The following RXYLT1 variants were observed in gnomAD, a reference collection of about 807,000 sequenced individuals.
RXYLT1 encodes ribitol-5-phosphate xylosyltransferase 1.
Under a neutral mutation model 43.5 loss-of-function variants are expected in RXYLT1, and 41 were observed. That is an observed-to-expected ratio of 0.94 (90% CI 0.73 to 1.22). The LOEUF is 1.22. RXYLT1 is among the 50% of genes most tolerant of loss of function. The probability of loss-of-function intolerance (pLI) is 0.00; values close to 1 mark genes in which losing one functional copy is unlikely to be tolerated. For missense variants in RXYLT1, 514 were observed against 532.0 expected, an observed-to-expected ratio of 0.97 and a Z score of 0.33; for synonymous variants, 166 against 194.4, an observed-to-expected ratio of 0.85 and a Z score of 1.21.
At chr12:63,785,098 A>G (rs961295439) in intron 3 of RXYLT1, 26 bp downstream of exon 3, 2 of 1,535,122 alleles carry the variant, frequency 1.3e-6, no homozygotes, top group Non-Finnish European at 1.8e-6. Flanking sequence ...GTTGTGCAAC[A>G]TTAACCTTTG....
Position 63,802,355 on chromosome 12 carries a change from C to A in RXYLT1, c.693C>A (p.Ser231Arg). 2 of 1,601,432 alleles carry A rather than the reference C, an allele frequency of 1.2e-6. No individual in the cohort carries two copies. The highest frequency in any genetic ancestry group is 1.7e-6 in the Non-Finnish European group (2 of 1,171,566). ...AGCTGCTTTTCATAATATATGACAG[C>A]CCCTGGATTAATGACGTGGATGTTT... The part of the protein sequence containing the change: ...FVELLFIIYD[S>R]PWINDVDVFQ... Residue 231 changes from serine to arginine, a missense_variant, in exon 4 of 6, where the codon AGC (serine) becomes AGA (arginine). Transcript: ENST00000261234.
chr12:63,802,410 G>A lies in RXYLT1; in HGVS notation c.743+5G>A. On this transcript the variant is annotated splice_donor_5th_base_variant and intron_variant, in intron 4 of 5. Coordinates refer to ENST00000261234, the MANE Select transcript of RXYLT1 (RefSeq NM_014254.3). ...GTGGCCTTTAGGAGTAGCAACGTAA[G>A]TACAAAATATGATTAAACATTTTTA... 1 of 1,549,008 alleles carries A rather than the reference G, an allele frequency of 6.5e-7. No individual in the cohort carries two copies. The highest frequency in any genetic ancestry group is 8.7e-7 in the Non-Finnish European group (1 of 1,148,128).
chr12:63,805,118 T>C, intron 4 of RXYLT1, 116 bp from the exon 5 acceptor site: 1 of 692,430 alleles, frequency 1.4e-6, no homozygotes, highest in Non-Finnish European at 2.1e-6. Flanking sequence ...ATTTGAGATT[T>C]AGAAATCACA....
intron 4 of RXYLT1, among the ~76,000 whole-genome samples, chr12:63,803,418 G>C (rs1898211448): frequency 6.6e-6 from 1 of 152,052 alleles, no homozygotes; most frequent in South Asian, 2.1e-4. Context: ...TTCTGTATTT[G>C]TTGAGTGGAT....
intron 3 of RXYLT1, among the ~76,000 whole-genome samples, chr12:63,786,414 A>C (rs1353611073): frequency 6.6e-6 from 1 of 152,218 alleles, no homozygotes; most frequent in Non-Finnish European, 1.5e-5. Context: ...AAATACTGCA[A>C]TAAAGCAAGT....
At chr12:63,782,319 T>C (rs1897704006) in intron 2 of RXYLT1, among the ~76,000 whole-genome samples, 2 of 152,222 alleles carry the variant, frequency 1.3e-5, no homozygotes, top group Non-Finnish European at 1.5e-5. Context: ...TTCATCTAAA[T>C]GGCCAGCTCC....
In RXYLT1 at chr12:63,794,216, T is replaced by A. The variant is rs1897979680; in HGVS notation, c.429-7875T>A. 3.3e-5 allele frequency among the ~76,000 whole-genome samples: 5 copies of A among 152,298 alleles called. No individual in the cohort carries two copies. The South Asian group carries it at 8.3e-4, about 25-fold the overall frequency. The stretch of plus-strand genomic sequence containing the variant: ...TCACAGTTGGAGGTCTAGCCCTTAC[T>A]CCCATTTCCTCTCTCTATTGATGTG... On this transcript the variant is annotated intron_variant, in intron 3 of 5. Coordinates refer to ENST00000261234, the MANE Select transcript of RXYLT1 (RefSeq NM_014254.3).
chr12:63,781,152 A>C lies in RXYLT1; in HGVS notation c.303A>C (p.Gln101His). Residue 101 changes from glutamine (Q) to histidine (H), a missense_variant, in exon 2 of 6, where the codon CAA becomes CAC. Physicochemically the swap from Gln to His is conservative, Grantham distance 24. Coordinates refer to ENST00000261234, the MANE Select transcript of RXYLT1 (RefSeq NM_014254.3). ...STKGKTDLSV[Q>H]IWGKAAIGLY... ...AAGGAAAAACAGATCTCAGTGTACA[A>C]ATCTGGGGCAAAGCTGCCATTGGTA... is the stretch of plus-strand genomic sequence containing the variant. 6.3e-7 allele frequency: 1 copy of C among 1,582,776 alleles called. No homozygotes were observed. The highest frequency in any genetic ancestry group is 1.2e-5 in the South Asian group (1 of 84,362).
chr12:63,805,337 C>T lies in RXYLT1; in HGVS notation c.847C>T (p.Gln283Ter). The change falls in exon 5 of 6, where the codon CAG becomes TAG. Residue 283 changes from glutamine to a stop codon, truncating the protein, a stop_gained. Transcript: ENST00000261234. LOFTEE classifies it high-confidence loss of function. ...LGTIYENSSRQALMNILKKDG... is the reference protein window; with the variant it reads ...LGTIYENSSR ...AACGATTTATGAAAATTCATCCAGACAGGCACTAATGAACATTTTGAAAAA... is the reference window on the plus strand; with the variant it reads ...AACGATTTATGAAAATTCATCCAGATAGGCACTAATGAACATTTTGAAAAA... 1 of 1,612,910 alleles carries T rather than the reference C, an allele frequency of 6.2e-7. No homozygotes were observed. Among genetic ancestry groups the T allele is most frequent in the Non-Finnish European group, 8.5e-7 (1 of 1,179,598 alleles).
intron 2 of RXYLT1, chr12:63,782,730 A>G (rs985179304): frequency 2.5e-6 from 1 of 399,198 alleles, no homozygotes; most frequent in Admixed American, 3.1e-5. Context: ...AATCTCTTCA[A>G]AGAGCCCTTT....
intron 3 of RXYLT1, among the ~76,000 whole-genome samples, chr12:63,795,159 C>G (rs1049061724): frequency 6.6e-6 from 1 of 151,868 alleles, no homozygotes. Context: ...TAGCACCTGT[C>G]GTCCCAGGTA....
chr12:63,790,897 A>G (rs1897907055), intron 3 of RXYLT1, among the ~76,000 whole-genome samples: 1 of 152,242 alleles, frequency 6.6e-6, no homozygotes. Flanking sequence ...TAAATGTGTT[A>G]ATAAATTACA....
chr12:63,782,349 C>G (rs1897704962), intron 2 of RXYLT1, among the ~76,000 whole-genome samples: 1 of 152,204 alleles, frequency 6.6e-6, no homozygotes, highest in Non-Finnish European at 1.5e-5. Flanking sequence ...TATTGCAGGC[C>G]TAGGAATAAT....
intron 3 of RXYLT1, among the ~76,000 whole-genome samples, chr12:63,786,048 C>T (rs1316718750): frequency 6.6e-6 from 1 of 151,826 alleles, no homozygotes; most frequent in Non-Finnish European, 1.5e-5. Flanking sequence ...TGATCTAATC[C>T]CATTCAAGAG....
rs1897674648 is a variant in RXYLT1 at position 63,781,157 on chromosome 12, G to T, written c.308G>T (p.Trp103Leu). The change falls in exon 2 of 6, where the codon TGG becomes TTG. Residue 103 changes from tryptophan (W) to leucine (L), a missense_variant. Physicochemically the swap from Trp to Leu is moderately conservative, Grantham distance 61. Coordinates refer to ENST00000261234, the MANE Select transcript of RXYLT1 (RefSeq NM_014254.3). ...AAAACAGATCTCAGTGTACAAATCT[G>T]GGGCAAAGCTGCCATTGGTAAGTTA... The part of the protein sequence containing the change: ...KGKTDLSVQI[W>L]GKAAIGLYLW... The T allele has an allele frequency of 6.4e-7, 1 of 1,573,344 alleles. No individual in the cohort carries two copies. The highest frequency in any genetic ancestry group is 2.3e-5 in the East Asian group (1 of 42,572).
intron 3 of RXYLT1, among the ~76,000 whole-genome samples, chr12:63,792,922 G>A (rs911698107): frequency 1.2e-4 from 18 of 152,106 alleles, no homozygotes; most frequent in African/African-American, 4.3e-4. Context: ...AGAGATGGGG[G>A]TCTTGCTATG....
chr12:63,800,710 C>T (rs1898139722), intron 3 of RXYLT1, among the ~76,000 whole-genome samples: 1 of 152,118 alleles, frequency 6.6e-6, no homozygotes, highest in African/African-American at 2.4e-5. Context: ...CACTTGAGGT[C>T]AGGAGTTCAA....
chr12:63,780,380 AAC>A, intron 1 of RXYLT1: 1 of 1,282,000 alleles, frequency 7.8e-7, no homozygotes. Context: ...ACGCCTTTCA[AAC>A]ACGTGTTAAA....
chr12:63,807,036 C>T (rs1898309999), intron 5 of RXYLT1: 1 of 152,330 alleles, frequency 6.6e-6, no homozygotes, highest in African/African-American at 2.4e-5. Context: ...TGTCATTACA[C>T]ATACTGCACC....
Sources: allele counts gnomAD v4.1 joint callset (sites outside exome capture counted in the v4.1 genomes callset), GRCh38; gene constraint gnomAD v4.1.1; transcripts MANE v1.5; gene names NCBI Gene and HGNC (gene_info 2026-07-23, HGNC 2026-07-21).